The following NALF1 variants were observed in gnomAD, a reference collection of about 807,000 sequenced individuals.
The protein encoded by NALF1 is NALCN channel auxiliary factor 1, also known as family with sequence similarity 155 member A.
NALF1 carries 3 observed loss-of-function variants against 48.4 expected under a neutral mutation model. The observed-to-expected ratio is 0.06, with a 90% CI of 0.03 to 0.16. The LOEUF (loss-of-function observed/expected upper bound fraction) is 0.16, where lower values mean the gene tolerates loss of function less well. Ranked by LOEUF, NALF1 falls within the 10% of genes least tolerant of loss-of-function variation. The pLI, the probability that NALF1 is intolerant of heterozygous loss-of-function variation, is 1.00. For synonymous variants in NALF1, 262 were observed against 245.7 expected (o/e 1.07, Z -0.62); for missense variants, 526 against 571.5 (o/e 0.92, Z 0.81).
chr13:107,861,190 C>T (rs1159480219), intron 1 of NALF1, among the ~76,000 whole-genome samples: 3 of 152,066 alleles, frequency 2.0e-5, no homozygotes, highest in East Asian at 1.9e-4. Context: ...TTCTCTTCAA[C>T]CTCATAAATA....
At position 107,169,063 on chromosome 13, in the gene NALF1, T is replaced by C. The variant is rs1878732494; in HGVS notation, c.*1434A>G. 4 of 152,634 alleles carry C rather than the reference T, an allele frequency of 2.6e-5. No individual in the cohort carries two copies. Among genetic ancestry groups the C allele is most frequent in the Admixed American group, 6.5e-5 (1 of 15,276 alleles). 9.5% of individuals were successfully genotyped at this position (152,634 alleles called of 1,614,324 possible). On this transcript the variant is annotated 3_prime_UTR_variant, in exon 3 of 3. Coordinates refer to ENST00000375915, the MANE Select transcript of NALF1 (RefSeq NM_001080396.3). ...ATTCTACTGTAAACTCATAAAAGCC[T>C]TTTATAGAAAGCAAATTCATGTACA...
chr13:107,302,919 A>C (rs1881865847), intron 1 of NALF1, among the ~76,000 whole-genome samples: 1 of 152,178 alleles, frequency 6.6e-6, no homozygotes, highest in South Asian at 2.1e-4. Context: ...TAGCTTGAAG[A>C]ATGTGCAAAA....
intron 1 of NALF1, among the ~76,000 whole-genome samples, chr13:107,612,111 A>G (rs1472017983): frequency 9.1e-5 from 3 of 32,904 alleles, no homozygotes; most frequent in Admixed American, 9.7e-4. Flanking sequence ...GGAGGGAGGA[A>G]GGGGAGGGGG....
chr13:107,434,402 G>A (rs1342312041), intron 1 of NALF1, among the ~76,000 whole-genome samples: 1 of 152,174 alleles, frequency 6.6e-6, no homozygotes, highest in African/African-American at 2.4e-5. Flanking sequence ...GAGAATAGGT[G>A]TAGTTTACAC....
At chr13:107,624,731 T>C (rs541552077) in intron 1 of NALF1, among the ~76,000 whole-genome samples, 6 of 152,352 alleles carry the variant, frequency 3.9e-5, no homozygotes, top group Admixed American at 6.5e-5. Context: ...GCCTTTGCCA[T>C]GTAGCTACCA....
chr13:107,518,627 T>C (rs547813383), intron 1 of NALF1, among the ~76,000 whole-genome samples: 1 of 152,120 alleles, frequency 6.6e-6, no homozygotes, highest in African/African-American at 2.4e-5. Context: ...CATTTTAGGG[T>C]AAGGGACAGT....
intron 1 of NALF1, among the ~76,000 whole-genome samples, chr13:107,626,363 CA>C (rs1879674409): frequency 6.6e-6 from 1 of 151,908 alleles, no homozygotes; most frequent in African/African-American, 2.4e-5. Context: ...GAAAGTTCCT[CA>C]AAAAACTAGC....
intron 1 of NALF1, among the ~76,000 whole-genome samples, chr13:107,212,022 T>C (rs1879772206): frequency 6.6e-6 from 1 of 152,224 alleles, no homozygotes; most frequent in Non-Finnish European, 1.5e-5. Flanking sequence ...GTGTTCCTAA[T>C]AGTTATCCTA....
chr13:107,181,275 T>A (rs1474074451), intron 2 of NALF1, among the ~76,000 whole-genome samples: 1 of 151,510 alleles, frequency 6.6e-6, no homozygotes, highest in East Asian at 1.9e-4. Flanking sequence ...AATATTGAAT[T>A]GAATGCCACT....
rs1009581228 is a variant in NALF1 at position 107,526,073 on chromosome 13, A to G, written c.916-315318T>C. 4.6e-5 allele frequency among the ~76,000 whole-genome samples: 7 copies of G among 152,252 alleles called. No homozygotes were observed. The East Asian group carries it at 1.4e-3, about 29-fold the overall frequency. ...TGGATACAAGTTATTTGCCAGATAT[A>G]TACTTTGCAAATAATCCCCATCCCC... On this transcript the variant is annotated intron_variant, in intron 1 of 2. Transcript: ENST00000375915.
In NALF1 at chr13:107,214,072, T is replaced by C. The variant is rs1879823576; in HGVS notation, c.916-3317A>G. On this transcript the variant is annotated intron_variant, in intron 1 of 2. Coordinates refer to ENST00000375915, the MANE Select transcript of NALF1 (RefSeq NM_001080396.3). ...ATGAGCTATCTTCAAATGTGCCGAGTTCTCTAGAGCTAGAAAAATTCCAAT... is the reference window on the plus strand; with the variant it reads ...ATGAGCTATCTTCAAATGTGCCGAGCTCTCTAGAGCTAGAAAAATTCCAAT... Among the ~76,000 whole-genome samples the C allele has an allele frequency of 2.0e-5, 3 of 152,052 alleles. No homozygotes were observed. The South Asian group carries it at 6.2e-4, about 32-fold the overall frequency.
At chr13:107,674,664 T>C in intron 1 of NALF1, among the ~76,000 whole-genome samples, 1 of 152,086 alleles carries the variant, frequency 6.6e-6, no homozygotes, top group East Asian at 1.9e-4. Context: ...ACATCTACAA[T>C]ATACACTACA....
In NALF1 at chr13:107,203,450, C is replaced by A. The variant is rs1030746244; in HGVS notation, c.1087+7134G>T. Among the ~76,000 whole-genome samples, 42 of 152,198 alleles carry A rather than the reference C, an allele frequency of 2.8e-4. 2 individuals are homozygous for A. Among genetic ancestry groups the A allele is most frequent in the Admixed American group, 6.5e-5 (1 of 15,282 alleles). ...TGGCACTGCCTCTCTGAGGGCAGTG[C>A]GCATAGTCTGGCTTGAGCAAAGGGT... On this transcript the variant is annotated intron_variant, in intron 2 of 2. Transcript: ENST00000375915.
At chr13:107,536,636 G>T (rs1190482194) in intron 1 of NALF1, among the ~76,000 whole-genome samples, 1 of 152,192 alleles carries the variant, frequency 6.6e-6, no homozygotes, top group East Asian at 1.9e-4. Context: ...TGGTGGGACT[G>T]TAAACTGGTT....
rs10710356 is a variant in NALF1, at chr13:107,403,188, C to CTTTTTTTTTTTTTTTTTTT, written c.916-192452_916-192434dup. Among the ~76,000 whole-genome samples, 12 of 42,488 alleles carry CTTTTTTTTTTTTTTTTTTT rather than the reference C, an allele frequency of 2.8e-4. 1 individual carries two copies. The highest frequency in any genetic ancestry group is 4.6e-4 in the Non-Finnish European group (11 of 24,120). 27.9% of individuals were successfully genotyped at this position (42,488 alleles called of 152,430 possible). A position where few individuals can be genotyped will look rare whatever the true frequency, so the allele number is the denominator to read the frequency against. Reference sequence around the variant, plus strand: ...TTCTGCTTGGTTTCTCTTGTTCGGGCTTTTTTTTTTTTTTTTTTTTTTTTT... The same window carrying CTTTTTTTTTTTTTTTTTTT: ...TTCTGCTTGGTTTCTCTTGTTCGGGCTTTTTTTTTTTTTTTTTTTTTTTTTTTTTTTTTTTTTTTTTTTT... On this transcript the variant is annotated intron_variant, in intron 1 of 2. Coordinates refer to ENST00000375915, the MANE Select transcript of NALF1 (RefSeq NM_001080396.3).
chr13:107,645,125 T>TC (rs1880281454), intron 1 of NALF1, among the ~76,000 whole-genome samples: 1 of 152,154 alleles, frequency 6.6e-6, no homozygotes, highest in Non-Finnish European at 1.5e-5. Flanking sequence ...TTCATTAATG[T>TC]ACCTAGGAGT....
Position 107,264,980 on chromosome 13 carries a change from A to G in NALF1, c.916-54225T>C, listed in dbSNP as rs1020232426. ...TGCATGAAAGTTTTTGTATCACTGTAGGAGAGATTTCCTAAACATTGTCCA... is the reference window on the plus strand; with the variant it reads ...TGCATGAAAGTTTTTGTATCACTGTGGGAGAGATTTCCTAAACATTGTCCA... On this transcript the variant is annotated intron_variant, in intron 1 of 2. Coordinates refer to ENST00000375915, the MANE Select transcript of NALF1 (RefSeq NM_001080396.3). Among the ~76,000 whole-genome samples, 5 of 152,324 alleles carry G rather than the reference A, an allele frequency of 3.3e-5. 1 individual carries two copies. In the South Asian group the frequency reaches 1.0e-3, roughly 32 times the overall value.
In NALF1 at chr13:107,381,445, A is replaced by T. The variant is rs1371627199; in HGVS notation, c.916-170690T>A. Among the ~76,000 whole-genome samples, 5 of 152,044 alleles carry T rather than the reference A, an allele frequency of 3.3e-5. No homozygotes were observed. In the East Asian group the frequency reaches 9.7e-4, roughly 30 times the overall value. ...ACTCCTGGGCTCAAACGATCCTCTC[A>T]CCTTGGCCCCCCAAAGTGGAAATTA... On this transcript the variant is annotated intron_variant, in intron 1 of 2. Transcript: ENST00000375915.
chr13:107,456,451 T>C (rs1013841384), intron 1 of NALF1, among the ~76,000 whole-genome samples: 1 of 152,238 alleles, frequency 6.6e-6, no homozygotes, highest in Non-Finnish European at 1.5e-5. Flanking sequence ...AAATAAATCA[T>C]ATCATATCTC....
Sources: gnomAD v4.1 joint callset for allele counts (sites outside exome capture counted in the v4.1 genomes callset) on GRCh38, gnomAD v4.1.1 for gene constraint, MANE v1.5 for transcripts, NCBI Gene and HGNC (gene_info 2026-07-23, HGNC 2026-07-21) for gene names.